The following ITGA7 variants were observed in gnomAD, a reference collection of about 807,000 sequenced individuals.
ITGA7 encodes integrin subunit alpha 7.
A neutral mutation model predicts 131.6 loss-of-function variants in ITGA7; 84 were observed. The ratio of observed to expected loss-of-function variants is 0.64; its 90% confidence interval spans 0.54 to 0.77. The LOEUF (loss-of-function observed/expected upper bound fraction) is 0.77. Among genes scored for constraint, ITGA7 ranks in the 30% least tolerant of loss-of-function variants. The pLI, the probability that ITGA7 is intolerant of heterozygous loss-of-function variation, is 0.00. For missense variants in ITGA7, 1,399 were observed against 1,482.9 expected (o/e 0.94, Z 0.93); for synonymous variants, 548 against 600.7 (o/e 0.91, Z 1.28).
At chr12:55,712,182 A>G, upstream of ITGA7, 1 of 1,551,448 alleles carries the variant, frequency 6.4e-7, no homozygotes, top group Non-Finnish European at 8.7e-7. Flanking sequence ...CAGTGGGGAA[A>G]CAGCTTGACC....
chr12:55,693,725 AC>A lies in ITGA7; in HGVS notation c.2535+295del, dbSNP rs1470003562. Among the ~76,000 whole-genome samples, 7 of 151,392 alleles carry A rather than the reference AC, an allele frequency of 4.6e-5. No individual in the cohort carries two copies. The East Asian group carries it at 1.4e-3, about 29-fold the overall frequency. ...GGCAGAGTTCTAGGGAGAGACATTA[AC>A]CCCCCGCCCCATGTTCCCATCCCCC... On this transcript the variant is annotated intron_variant, in intron 19 of 24. Coordinates refer to ENST00000257879, the MANE Select transcript of ITGA7 (RefSeq NM_002206.3).
Position 55,697,744 on chromosome 12 carries a change from A to C in ITGA7, c.1360T>G (p.Tyr454Asp), listed in dbSNP as rs754388088. ...SGSLDMDGNQ[Y>D]PDLLVGSLAD... is the part of the protein sequence containing the mutation. ...AGGGAGCCCACCAGCAGGTCAGGGT[A>C]TTGGTTCCCATCCATATCCAAGCTG... The change falls in exon 9 of 25, where the codon TAC becomes GAC. Residue 454 changes from tyrosine to aspartate, a missense_variant. Transcript: ENST00000257879. 23 of 1,614,012 alleles carry C rather than the reference A, an allele frequency of 1.4e-5. No homozygotes were observed. Among genetic ancestry groups the C allele is most frequent in the Non-Finnish European group, 1.9e-5 (22 of 1,180,020 alleles).
chr12:55,716,348 T>G, upstream of ITGA7: 6 of 1,469,888 alleles, frequency 4.1e-6, no homozygotes, highest in Non-Finnish European at 5.4e-6. Flanking sequence ...GAGGCTTTTT[T>G]TGAAACTCCT....
At chr12:55,689,444 G>C (rs573563410) in intron 21 of ITGA7, among the ~76,000 whole-genome samples, 119 of 152,300 alleles carry the variant, frequency 7.8e-4, no homozygotes, top group African/African-American at 2.7e-3. Context: ...CCACACCCCT[G>C]CCCTAAACCC....
chr12:55,685,380 A>C, intron 24 of ITGA7, 92 bp from the exon 25 acceptor site: 1 of 1,144,212 alleles, frequency 8.7e-7, no homozygotes, highest in Non-Finnish European at 1.3e-6. Context: ...CACCCTCACC[A>C]TCCCTGCTGC....
At position 55,694,992 on chromosome 12, in the gene ITGA7, C is replaced by G; in HGVS notation, c.2004-22G>C. On this transcript the variant is annotated intron_variant, in intron 14 of 24. Coordinates refer to ENST00000257879, the MANE Select transcript of ITGA7 (RefSeq NM_002206.3). This position sits in a 1 kb window ranked among gnomAD's most constrained non-coding sequence, Gnocchi z 5.3. Reference sequence around the variant, plus strand: ...ATCCCTGGAGAGTCAGACCCCACTCCTGCTAAGTTCTGAACACCTCCCCCT... The same window carrying G: ...ATCCCTGGAGAGTCAGACCCCACTCGTGCTAAGTTCTGAACACCTCCCCCT... The G allele has an allele frequency of 2.5e-6, 4 of 1,608,236 alleles. No individual in the cohort carries two copies. Among genetic ancestry groups the G allele is most frequent in the Non-Finnish European group, 3.4e-6 (4 of 1,178,694 alleles).
Position 55,697,429 on chromosome 12 carries a change from G to T in ITGA7, c.1505+22C>A. 1.9e-6 allele frequency: 3 copies of T among 1,610,744 alleles called. No homozygotes were observed. In the South Asian group the frequency reaches 3.3e-5, roughly 18 times the overall value. ...GGCAGGGGAAGCTGCCAGGGTCCAG[G>T]TGCCACCCGATCCCACCTCACCAGA... On this transcript the variant is annotated intron_variant, in intron 10 of 24. Coordinates refer to ENST00000257879, the MANE Select transcript of ITGA7 (RefSeq NM_002206.3).
Position 55,699,992 on chromosome 12 carries a change from G to GT in ITGA7, c.671-4dup, listed in dbSNP as rs1410176611. The GT allele has an allele frequency of 1.9e-6, 3 of 1,614,090 alleles. No homozygotes were observed. The highest frequency in any genetic ancestry group is 4.5e-5 in the East Asian group (2 of 44,878). On this transcript the variant is annotated splice_polypyrimidine_tract_variant and splice_region_variant and intron_variant, in intron 4 of 24. Transcript: ENST00000257879. ...AATGTTGGTCACAAAAAGCAACCCT[G>GT]TGGGGGGTGGGGTGAGACACCAGGG...
chr12:55,696,274 C>A lies in ITGA7; in HGVS notation c.1887+9G>T. 1 of 1,562,888 alleles carries A rather than the reference C, an allele frequency of 6.4e-7. No individual in the cohort carries two copies. Among genetic ancestry groups the A allele is most frequent in the East Asian group, 2.4e-5 (1 of 42,052 alleles). On this transcript the variant is annotated intron_variant, in intron 13 of 24. Coordinates refer to ENST00000257879, the MANE Select transcript of ITGA7 (RefSeq NM_002206.3). ...CCTCCCCCTGGGCTAAACCAGAACC[C>A]ATGCTCACCTCTGCCCGCTGGGTGC...
At chr12:55,687,772 G>A (rs952839673) in intron 24 of ITGA7, among the ~76,000 whole-genome samples, 199 bp downstream of exon 24, 1 of 152,214 alleles carries the variant, frequency 6.6e-6, no homozygotes, top group African/African-American at 2.4e-5. Flanking sequence ...TTCCAGGCAT[G>A]AGCCACTGCA....
At chr12:55,706,207 A>G (rs1301791682) in intron 1 of ITGA7, among the ~76,000 whole-genome samples, 1 of 152,200 alleles carries the variant, frequency 6.6e-6, no homozygotes, top group Non-Finnish European at 1.5e-5. Flanking sequence ...ACAGATGGAG[A>G]AGGAGGGAGG....
intron 1 of ITGA7, among the ~76,000 whole-genome samples, chr12:55,705,059 T>C (rs1268250571): frequency 1.3e-5 from 2 of 152,202 alleles, no homozygotes; most frequent in Non-Finnish European, 2.9e-5. Flanking sequence ...GTGTCACAGC[T>C]GGTCAGTGCA....
At chr12:55,713,898 T>G (rs1403876828), upstream of ITGA7, among the ~76,000 whole-genome samples, 1 of 152,218 alleles carries the variant, frequency 6.6e-6, no homozygotes. Context: ...CAAGAATGTT[T>G]TCTTCTAATG....
chr12:55,695,510 T>TAAAA lies in ITGA7; in HGVS notation c.2003+11_2003+12insTTTT. 1 of 1,118,164 alleles carries TAAAA rather than the reference T, an allele frequency of 8.9e-7. No individual in the cohort carries two copies. Among genetic ancestry groups the TAAAA allele is most frequent in the Non-Finnish European group, 1.3e-6 (1 of 744,460 alleles). The allele number at this position is 1,118,164 out of a possible 1,614,324, so 69.3% of individuals were successfully genotyped here. A position where few individuals can be genotyped will look rare whatever the true frequency, so the allele number is the denominator to read the frequency against. On this transcript the variant is annotated intron_variant, in intron 14 of 24. Transcript: ENST00000257879. ...GCCCTCCCACCCCCACCCTGCTCTC[T>TAAAA]GCCCCCCTCACATGGGCAGAGGTTG... is the stretch of plus-strand genomic sequence containing the variant.
At chr12:55,701,822 G>A (rs1020710420) in intron 3 of ITGA7, among the ~76,000 whole-genome samples, 1 of 152,058 alleles carries the variant, frequency 6.6e-6, no homozygotes, top group African/African-American at 2.4e-5. Flanking sequence ...TTAAAGCCTG[G>A]CTCAAATCAT....
At chr12:55,700,529 G>T (rs1030053895) in intron 4 of ITGA7, 2 of 1,039,762 alleles carry the variant, frequency 1.9e-6, no homozygotes, top group Non-Finnish European at 2.8e-6. Context: ...CCCAACCCAG[G>T]CTTCCTGGGG....
At chr12:55,695,208 C>T (rs1016486490) in intron 14 of ITGA7, 2 of 601,942 alleles carry the variant, frequency 3.3e-6, no homozygotes, top group Non-Finnish European at 5.9e-6. Context: ...CCTCTCTAGG[C>T]TTCAGTTCTC....
rs114596578 is a variant in ITGA7 at position 55,694,408 on chromosome 12, C to A, written c.2357+35G>T. On this transcript the variant is annotated intron_variant, in intron 17 of 24. Coordinates refer to ENST00000257879, the MANE Select transcript of ITGA7 (RefSeq NM_002206.3). The surrounding 1 kb of genome is among the most constrained non-coding windows in gnomAD (Gnocchi z 5.3). ...GGGTCAGATGAGGTCAATATGACTA[C>A]CCCCACCTCACCCTTCCGGCCCCGC... The A allele has an allele frequency of 3.1e-6, 5 of 1,612,276 alleles. No homozygotes were observed. Among genetic ancestry groups the A allele is most frequent in the African/African-American group, 1.3e-5 (1 of 74,994 alleles).
Position 55,701,209 on chromosome 12 carries a change from A to AG in ITGA7, c.415-56dup, listed in dbSNP as rs1436883963. On this transcript the variant is annotated intron_variant, in intron 3 of 24. Transcript: ENST00000257879. ...ACTCTGTGGGCCAGGGACCTGCTTG[A>AG]GGCATGCTGCCCATATGCAGAGATT... 3.1e-6 allele frequency: 5 copies of AG among 1,613,134 alleles called. No individual in the cohort carries two copies. In the African/African-American group the frequency reaches 6.7e-5, roughly 21 times the overall value.
Sources: allele counts gnomAD v4.1 joint callset (sites outside exome capture counted in the v4.1 genomes callset), GRCh38; gene constraint gnomAD v4.1.1; non-coding constraint Gnocchi (gnomAD v3.1); transcripts MANE v1.5; gene names NCBI Gene and HGNC (gene_info 2026-07-23, HGNC 2026-07-21).